Variants in POLN observed in about 807,000 individuals in gnomAD.
POLN encodes DNA polymerase N.
POLN carries 108 observed loss-of-function variants against 113.5 expected under a neutral mutation model. The observed-to-expected ratio is 0.95, with a 90% CI of 0.81 to 1.12. POLN has a LOEUF of 1.12. Among genes scored for constraint, POLN ranks in the 50% most tolerant of loss-of-function variants. The pLI is 0.00. For synonymous variants in POLN, 386 were observed against 391.5 expected (o/e 0.99, Z 0.17); for missense variants, 1,097 against 1,077.1 (o/e 1.02, Z -0.26).
At chr4:2,120,191 C>T (rs1340326172) in intron 19 of POLN, among the ~76,000 whole-genome samples, 2 of 152,084 alleles carry the variant, frequency 1.3e-5, no homozygotes, top group Non-Finnish European at 2.9e-5. Context: ...GGGGTGATTC[C>T]TCCCATTTTA....
Position 2,156,446 on chromosome 4 carries a change from C to G in POLN, c.1731+342G>C, listed in dbSNP as rs74630220. On this transcript the variant is annotated intron_variant, in intron 16 of 25. Coordinates refer to ENST00000511885, the MANE Select transcript of POLN (RefSeq NM_181808.4). ...CAAAAAATGGAGCTGTTCATCATAG[C>G]ATCAGATACTTCAACACATTTCTGG... The G allele has an allele frequency of 7.6e-3, 3,678 of 483,300 alleles. 124 individuals are homozygous for G. The highest frequency in any genetic ancestry group is 0.066 in the African/African-American group (3,333 of 50,740). The allele number at this position is 483,300 out of a possible 1,614,324, so 29.9% of individuals were successfully genotyped here.
intron 5 of POLN, among the ~76,000 whole-genome samples, chr4:2,205,464 C>T (rs1733818586): frequency 1.3e-5 from 2 of 152,182 alleles, no homozygotes; most frequent in Non-Finnish European, 2.9e-5. Context: ...GAAGCACATC[C>T]CATGCTCATG....
At chr4:2,226,059 G>GT (rs1303623001) in intron 3 of POLN, among the ~76,000 whole-genome samples, 4 of 152,132 alleles carry the variant, frequency 2.6e-5, no homozygotes, top group Non-Finnish European at 5.9e-5. Context: ...TGGTATAGCT[G>GT]TTTTTTAAAG....
At position 2,239,956 on chromosome 4, in the gene POLN, T is replaced by C. The variant is rs535305504; in HGVS notation, c.-13+1564A>G. ...TAATCTCTTCTCAGATGCACCATTC[T>C]AAAGTACTTTAACAGCAATATTATC... On this transcript the variant is annotated intron_variant, in intron 2 of 25. Transcript: ENST00000511885. 2.3e-4 allele frequency: 245 copies of C among 1,062,338 alleles called. 1 individual carries two copies. The South Asian group carries it at 3.2e-3, about 14-fold the overall frequency. 65.8% of individuals were successfully genotyped at this position (1,062,338 alleles called of 1,614,324 possible).
chr4:2,183,143 G>C lies in POLN; in HGVS notation c.1022-3678C>G, dbSNP rs544432157. Among the ~76,000 whole-genome samples the C allele has an allele frequency of 7.2e-5, 11 of 152,252 alleles. No homozygotes were observed. In the South Asian group the frequency reaches 2.1e-3, roughly 29 times the overall value. ...CATCCACTTGGATGACTAAAATAAA[G>C]ATACACAAGAACACGTATTGGGCAA... is the stretch of plus-strand genomic sequence containing the variant. On this transcript the variant is annotated intron_variant, in intron 7 of 25. Coordinates refer to ENST00000511885, the MANE Select transcript of POLN (RefSeq NM_181808.4).
At chr4:2,110,405 G>A (rs1334964438) in intron 19 of POLN, among the ~76,000 whole-genome samples, 18 of 152,024 alleles carry the variant, frequency 1.2e-4, no homozygotes, top group Non-Finnish European at 2.4e-4. Flanking sequence ...AGAACTGAAG[G>A]AAATAGAGAC....
At chr4:2,175,788 G>A (rs1732980299) in intron 9 of POLN, among the ~76,000 whole-genome samples, 1 of 152,274 alleles carries the variant, frequency 6.6e-6, no homozygotes, top group South Asian at 2.1e-4. Flanking sequence ...GGCATAGGGG[G>A]CAGGAGGGAG....
chr4:2,216,979 G>C (rs1417891229), intron 3 of POLN, among the ~76,000 whole-genome samples: 1 of 152,240 alleles, frequency 6.6e-6, no homozygotes, highest in Non-Finnish European at 1.5e-5. Context: ...AGATGGCAGA[G>C]GCTAGATGTC....
chr4:2,209,893 C>G (rs868524725), intron 4 of POLN, among the ~76,000 whole-genome samples: 1 of 150,632 alleles, frequency 6.6e-6, no homozygotes, highest in Non-Finnish European at 1.5e-5. Context: ...AACTCCTGGA[C>G]TCAAGCAATC....
chr4:2,199,065 G>A (rs1733650331), intron 5 of POLN, among the ~76,000 whole-genome samples: 1 of 152,074 alleles, frequency 6.6e-6, no homozygotes, highest in Non-Finnish European at 1.5e-5. Flanking sequence ...AACGAATCCT[G>A]GAGCTAATAT....
chr4:2,179,555 T>C (rs1733082487), intron 7 of POLN, 90 bp from the exon 8 acceptor site: 9 of 1,244,570 alleles, frequency 7.2e-6, no homozygotes, highest in Middle Eastern at 1.9e-4. Flanking sequence ...AAACGAATAG[T>C]AGTAGTATTG....
intron 16 of POLN, among the ~76,000 whole-genome samples, chr4:2,147,643 C>CTTTTTTTTTTTT (rs747184067): frequency 0.053 from 4,173 of 78,794 alleles, 395 homozygotes; most frequent in South Asian, 0.061. Context: ...TTTTTCTTTT[C>CTTTTTTTTTTTT]TTTTTTTTTT....
intron 3 of POLN, among the ~76,000 whole-genome samples, chr4:2,225,576 G>T (rs907146757): frequency 2.7e-5 from 4 of 147,192 alleles, no homozygotes; most frequent in Non-Finnish European, 4.5e-5. Context: ...GAAAAGAAAA[G>T]AAAATTGTGT....
chr4:2,221,063 G>C (rs1338838298), intron 3 of POLN, among the ~76,000 whole-genome samples: 1 of 152,024 alleles, frequency 6.6e-6, no homozygotes, highest in Non-Finnish European at 1.5e-5. Context: ...AAAGGTGGGG[G>C]GAAGCGCTCA....
At chr4:2,128,939 C>T (rs1208773563) in intron 18 of POLN, among the ~76,000 whole-genome samples, 1 of 151,454 alleles carries the variant, frequency 6.6e-6, no homozygotes, top group African/African-American at 2.4e-5. Context: ...CCTGTAACCC[C>T]AGTTACTTGG....
intron 19 of POLN, among the ~76,000 whole-genome samples, chr4:2,106,712 T>G (rs535995811): frequency 6.6e-6 from 1 of 152,346 alleles, no homozygotes; most frequent in Admixed American, 6.5e-5. Context: ...CATATCCCAG[T>G]AGGTCTTTTT....
intron 19 of POLN, among the ~76,000 whole-genome samples, chr4:2,100,974 A>G (rs1019367949): frequency 2.6e-5 from 4 of 152,244 alleles, no homozygotes; most frequent in African/African-American, 7.2e-5. Context: ...CAGAGAGCCC[A>G]GTGGCAGTGC....
intron 23 of POLN, chr4:2,079,821 G>A: frequency 1.0e-6 from 1 of 963,414 alleles, no homozygotes; most frequent in Non-Finnish European, 1.2e-6. Context: ...CTGACCTCAG[G>A]TGATCCACCC....
intron 2 of POLN, chr4:2,230,290 G>A (rs928112115): frequency 1.3e-5 from 2 of 152,006 alleles, no homozygotes; most frequent in Non-Finnish European, 2.9e-5. Flanking sequence ...GTTAGACTCT[G>A]TCTCAAAAAT....
Sources: allele counts gnomAD v4.1 joint callset (sites outside exome capture counted in the v4.1 genomes callset), GRCh38; gene constraint gnomAD v4.1.1; transcripts MANE v1.5; gene names NCBI Gene and HGNC (gene_info 2026-07-23, HGNC 2026-07-21).